INO80D: variants seen among roughly 807,000 people sequenced by gnomAD.
INO80D encodes INO80 complex subunit D.
INO80D carries 21 observed loss-of-function variants against 87.6 expected under a neutral mutation model. The ratio of observed to expected loss-of-function variants is 0.24; its 90% confidence interval spans 0.17 to 0.35. The LOEUF is 0.35. Among genes scored for constraint, INO80D ranks in the 10% least tolerant of loss-of-function variants. The pLI is 1.00. For missense variants in INO80D, 982 were observed against 1,280.7 expected (o/e 0.77, Z 3.56); for synonymous variants, 440 against 491.0 (o/e 0.90, Z 1.37).
Position 205,994,069 on chromosome 2 carries a change from A to C in INO80D, c.*10299T>G, listed in dbSNP as rs937427332. 5.3e-5 allele frequency: 8 copies of C among 152,218 alleles called. No homozygotes were observed. The highest frequency in any genetic ancestry group is 1.7e-4 in the African/African-American group (7 of 41,464). The allele number at this position is 152,218 out of a possible 1,614,324, so 9.4% of individuals were successfully genotyped here. A position where few individuals can be genotyped will look rare whatever the true frequency, so the allele number is the denominator to read the frequency against. On this transcript the variant is annotated 3_prime_UTR_variant, in exon 11 of 11. Coordinates refer to ENST00000403263, the MANE Select transcript of INO80D (RefSeq NM_017759.5). ...CCTCCCAAGACGTGGTCCTCCCAGC[A>C]ATGCCGCACCCAATGCCACAAGTAT...
At chr2:206,039,009 G>A (rs759206547) in intron 5 of INO80D, among the ~76,000 whole-genome samples, 3 of 152,072 alleles carry the variant, frequency 2.0e-5, no homozygotes, top group Non-Finnish European at 2.9e-5. Context: ...CACTTTGTGT[G>A]ACAAAAAGAA....
Position 206,019,821 on chromosome 2 carries a change from C to T in INO80D, c.1323G>A (p.Glu441=). 1.2e-6 allele frequency: 2 copies of T among 1,613,868 alleles called. No individual in the cohort carries two copies. The highest frequency in any genetic ancestry group is 1.7e-6 in the Non-Finnish European group (2 of 1,179,828). Residue 441 remains glutamate, a synonymous_variant, in exon 7 of 11, where the codon GAG becomes GAA. Coordinates refer to ENST00000403263, the MANE Select transcript of INO80D (RefSeq NM_017759.5). ...TTCCACTGCATGCTGCTGGTTCCAC[C>T]TCCCTCAGCTTGGTCCGGCTTATGC... The part of the protein sequence containing the change: ...RTSISRTKLR[E]VEPAACSGTV...
chr2:206,030,412 G>C (rs1035354775), intron 5 of INO80D, among the ~76,000 whole-genome samples: 7 of 151,750 alleles, frequency 4.6e-5, no homozygotes, highest in African/African-American at 1.7e-4. Flanking sequence ...GCAGGAAACT[G>C]AGACCACAGC....
At chr2:206,012,584 G>C (rs1013525131) in intron 8 of INO80D, among the ~76,000 whole-genome samples, 2 of 152,116 alleles carry the variant, frequency 1.3e-5, no homozygotes, top group Non-Finnish European at 2.9e-5. Context: ...TGAAAATAGA[G>C]GCTTGGCACA....
At chr2:206,008,821 T>C (rs922131780) in intron 9 of INO80D, among the ~76,000 whole-genome samples, 1 of 152,242 alleles carries the variant, frequency 6.6e-6, no homozygotes, top group Non-Finnish European at 1.5e-5. Flanking sequence ...CTTAATGCTT[T>C]TTAGTAGAAT....
Position 206,009,748 on chromosome 2 carries a change from T to G in INO80D, c.1589A>C (p.Gln530Pro). ...GGTTTTTTTCCTGGGTTTCCTCTGCTGCTGGTGCTGAACTTTACGGGAGTT... is the reference window on the plus strand; with the variant it reads ...GGTTTTTTTCCTGGGTTTCCTCTGCGGCTGGTGCTGAACTTTACGGGAGTT... ...GDNSRKVQHQ[Q>P]QRKPRKKTKP... The change falls in exon 9 of 11, where the codon CAG (glutamine) becomes CCG (proline). Residue 530 changes from glutamine to proline, a missense_variant. Coordinates refer to ENST00000403263, the MANE Select transcript of INO80D (RefSeq NM_017759.5). The G allele has an allele frequency of 6.2e-7, 1 of 1,613,846 alleles. No individual in the cohort carries two copies. The highest frequency in any genetic ancestry group is 8.5e-7 in the Non-Finnish European group (1 of 1,179,810).
chr2:206,050,690 C>A lies in INO80D; in HGVS notation c.965-4078G>T, dbSNP rs186815857. 1.8e-4 allele frequency among the ~76,000 whole-genome samples: 26 copies of A among 145,632 alleles called. No homozygotes were observed. In the East Asian group the frequency reaches 4.5e-3, roughly 25 times the overall value. ...TTTTTTAAAAATTGTTATATTTCGC[C>A]GGGCGCGGTGGCTCACGCCTGTAAT... On this transcript the variant is annotated intron_variant, in intron 4 of 10. Transcript: ENST00000403263.
intron 5 of INO80D, among the ~76,000 whole-genome samples, chr2:206,039,495 T>C (rs1046205103): frequency 6.6e-6 from 1 of 152,166 alleles, no homozygotes; most frequent in Non-Finnish European, 1.5e-5. Context: ...CAGAATTTTA[T>C]TTAATAAATA....
chr2:206,031,606 C>T (rs1245014717), intron 5 of INO80D, among the ~76,000 whole-genome samples: 1 of 152,230 alleles, frequency 6.6e-6, no homozygotes, highest in African/African-American at 2.4e-5. Context: ...TGCTGCGCAG[C>T]ACTTGCGGGT....
At chr2:206,050,496 G>GAAAAAAAAAAAAAAAAAAA in intron 4 of INO80D, among the ~76,000 whole-genome samples, 1 of 99,544 alleles carries the variant, frequency 1.0e-5, no homozygotes, top group Non-Finnish European at 1.8e-5. Flanking sequence ...CGTCTCAAAA[G>GAAAAAAAAAAAAAAAAAAA]AAAAAAAAAA....
chr2:206,004,209 G>A lies in INO80D; in HGVS notation c.*159C>T, dbSNP rs550932123. 2.1e-5 allele frequency: 14 copies of A among 670,208 alleles called. No individual in the cohort carries two copies. The highest frequency in any genetic ancestry group is 1.5e-4 in the South Asian group (8 of 53,204). 41.5% of individuals were successfully genotyped at this position (670,208 alleles called of 1,614,324 possible). A position where few individuals can be genotyped will look rare whatever the true frequency, so the allele number is the denominator to read the frequency against. ...AAGGAGCACATGTGAACACTGTAGC[G>A]AGGTCCACTGCAGGGCCACTCATTG... On this transcript the variant is annotated 3_prime_UTR_variant, in exon 11 of 11. Coordinates refer to ENST00000403263, the MANE Select transcript of INO80D (RefSeq NM_017759.5). The surrounding 1 kb of genome is among the most constrained non-coding windows in gnomAD (Gnocchi z 4.9).
At chr2:206,071,458 G>A (rs1238716329) in intron 1 of INO80D, among the ~76,000 whole-genome samples, 4 of 144,884 alleles carry the variant, frequency 2.8e-5, no homozygotes, top group African/African-American at 7.7e-5. Context: ...CTTCCTTAAT[G>A]TATTGACATT....
At chr2:206,030,426 G>A (rs1460885833) in intron 5 of INO80D, among the ~76,000 whole-genome samples, 1 of 151,598 alleles carries the variant, frequency 6.6e-6, no homozygotes, top group African/African-American at 2.4e-5. Context: ...CCACAGCAGT[G>A]CACTCCATCC....
At chr2:206,067,559 A>G (rs1689852973) in intron 1 of INO80D, among the ~76,000 whole-genome samples, 1 of 152,126 alleles carries the variant, frequency 6.6e-6, no homozygotes, top group Non-Finnish European at 1.5e-5. Context: ...AAACATCACT[A>G]TATACCCCAC....
At chr2:206,048,288 T>C (rs879552262) in intron 4 of INO80D, among the ~76,000 whole-genome samples, 10 of 152,134 alleles carry the variant, frequency 6.6e-5, no homozygotes, top group South Asian at 4.1e-4. Flanking sequence ...GGTTGGAGTG[T>C]AGTGGTGCAA....
intron 8 of INO80D, among the ~76,000 whole-genome samples, chr2:206,012,330 G>A (rs999333608): frequency 3.3e-5 from 5 of 152,142 alleles, no homozygotes; most frequent in African/African-American, 1.2e-4. Flanking sequence ...ACAACTGTAT[G>A]CGTCTACAAA....
chr2:206,009,519 T>C (rs1688112626), intron 9 of INO80D, 58 bp downstream of exon 9: 2 of 1,374,432 alleles, frequency 1.5e-6, no homozygotes, highest in East Asian at 4.6e-5. Flanking sequence ...TGAAGCTAGA[T>C]GTTCTGAGAA....
Position 206,003,963 on chromosome 2 carries a change from T to G in INO80D, c.*405A>C. On this transcript the variant is annotated 3_prime_UTR_variant, in exon 11 of 11. Transcript: ENST00000403263. ...GTCTCTTATACAGGAACTCAATTAA[T>G]AAGATCATTCTATCTAGAACCACCT... 5.1e-6 allele frequency: 1 copy of G among 195,140 alleles called. No individual in the cohort carries two copies. Among genetic ancestry groups the G allele is most frequent in the Admixed American group, 5.4e-5 (1 of 18,666 alleles). 12.1% of individuals were successfully genotyped at this position (195,140 alleles called of 1,614,324 possible). A position where few individuals can be genotyped will look rare whatever the true frequency, so the allele number is the denominator to read the frequency against.
chr2:206,080,996 A>G (rs1429657429), intron 1 of INO80D, among the ~76,000 whole-genome samples: 3 of 152,052 alleles, frequency 2.0e-5, no homozygotes, highest in Non-Finnish European at 2.9e-5. Flanking sequence ...CCAAGAAAAT[A>G]TAAAGGTTAT....
Sources: gnomAD v4.1 joint callset for allele counts (sites outside exome capture counted in the v4.1 genomes callset) on GRCh38, gnomAD v4.1.1 for gene constraint, Gnocchi (gnomAD v3.1) non-coding constraint, MANE v1.5 for transcripts, NCBI Gene and HGNC (gene_info 2026-07-23, HGNC 2026-07-21) for gene names.